Variants in APAF1 observed in about 807,000 individuals in gnomAD.
The protein encoded by APAF1 is apoptotic peptidase activating factor 1.
In APAF1, 91 loss-of-function variants were observed where a neutral mutation model predicts 152.4. The observed-to-expected ratio is 0.60, with a 90% CI of 0.50 to 0.71. The LOEUF is 0.71. Ranked by LOEUF, APAF1 falls within the 30% of genes least tolerant of loss-of-function variation. The probability of loss-of-function intolerance (pLI) is 0.00; values close to 1 mark genes in which losing one functional copy is unlikely to be tolerated. For synonymous variants in APAF1, 484 were observed against 494.1 expected (o/e 0.98, Z 0.27); for missense variants, 1,283 against 1,472.0 (o/e 0.87, Z 2.10).
intron 4 of APAF1, among the ~76,000 whole-genome samples, chr12:98,654,240 G>A (rs1478940568): frequency 6.6e-6 from 1 of 152,052 alleles, no homozygotes; most frequent in East Asian, 1.9e-4. Context: ...AAAGCTGGTA[G>A]TGTTTTCTCT....
At chr12:98,716,203 T>C (rs2097734533) in intron 22 of APAF1, among the ~76,000 whole-genome samples, 3 of 152,250 alleles carry the variant, frequency 2.0e-5, no homozygotes, top group Non-Finnish European at 2.9e-5. Flanking sequence ...GGCATGCTTA[T>C]AGTGCTCTTC....
At chr12:98,662,288 T>C (rs951405862) in intron 5 of APAF1, among the ~76,000 whole-genome samples, 168 bp from the exon 6 acceptor site, 1 of 151,944 alleles carries the variant, frequency 6.6e-6, no homozygotes, top group African/African-American at 2.4e-5. Context: ...ATCAGCATAT[T>C]GAGAAGAGTA....
At chr12:98,677,848 T>G (rs542119424) in intron 13 of APAF1, among the ~76,000 whole-genome samples, 4 of 152,334 alleles carry the variant, frequency 2.6e-5, no homozygotes, top group Middle Eastern at 6.8e-3. Flanking sequence ...GACGTAGGGC[T>G]TCATAGCACA....
intron 13 of APAF1, 62 bp downstream of exon 13, chr12:98,677,613 A>C (rs1295402434): frequency 6.2e-7 from 1 of 1,603,782 alleles, no homozygotes; most frequent in East Asian, 2.2e-5. Flanking sequence ...GCAGATCAGA[A>C]TATGTTTAAA....
chr12:98,695,589 C>T (rs951534035), intron 16 of APAF1, among the ~76,000 whole-genome samples: 3 of 152,212 alleles, frequency 2.0e-5, no homozygotes, highest in Non-Finnish European at 2.9e-5. Flanking sequence ...GAGATGATAT[C>T]TGGGCAGAGA....
At chr12:98,669,439 G>A (rs2097677368) in intron 10 of APAF1, among the ~76,000 whole-genome samples, 1 of 152,162 alleles carries the variant, frequency 6.6e-6, no homozygotes, top group South Asian at 2.1e-4. Context: ...TAATGCTCTT[G>A]TGTATAGTTT....
chr12:98,664,914 A>G (rs114713788), intron 7 of APAF1, among the ~76,000 whole-genome samples: 1,832 of 152,268 alleles, frequency 0.012, 32 homozygotes, highest in African/African-American at 0.042. Flanking sequence ...CCAGTGGCAT[A>G]ATATTGATAT....
At chr12:98,729,468 C>A (rs1184456182) in intron 26 of APAF1, among the ~76,000 whole-genome samples, 1 of 152,186 alleles carries the variant, frequency 6.6e-6, no homozygotes, top group Non-Finnish European at 1.5e-5. Context: ...CCACTGATCT[C>A]TCAGGAGACA....
chr12:98,706,573 C>T lies in APAF1; in HGVS notation c.2684C>T (p.Ser895Leu). 1 of 1,613,982 alleles carries T rather than the reference C, an allele frequency of 6.2e-7. No homozygotes were observed. Among genetic ancestry groups the T allele is most frequent in the Non-Finnish European group, 8.5e-7 (1 of 1,179,908 alleles). ...VHGVMFSPDG[S>L]SFLTSSDDQT... Reference sequence around the variant, plus strand: ...GGTGTGATGTTTTCTCCTGATGGATCATCATTTTTGACATCTTCTGATGAC... The same window carrying T: ...GGTGTGATGTTTTCTCCTGATGGATTATCATTTTTGACATCTTCTGATGAC... Residue 895 changes from serine (S) to leucine (L), a missense_variant, in exon 19 of 27, where the codon TCA (serine) becomes TTA (leucine). By Grantham distance (145) the Ser-to-Leu change is moderately radical. Transcript: ENST00000551964.
intron 4 of APAF1, among the ~76,000 whole-genome samples, chr12:98,652,302 A>G (rs2097649970): frequency 6.6e-6 from 1 of 152,192 alleles, no homozygotes; most frequent in African/African-American, 2.4e-5. Flanking sequence ...ATTCCCCTCC[A>G]GTCTGTACAT....
At chr12:98,676,106 A>G (rs2097686191) in intron 12 of APAF1, among the ~76,000 whole-genome samples, 2 of 152,242 alleles carry the variant, frequency 1.3e-5, no homozygotes, top group African/African-American at 4.8e-5. Context: ...ACTATTTGAC[A>G]TATTTACTTG....
intron 22 of APAF1, among the ~76,000 whole-genome samples, chr12:98,722,919 A>G (rs184556575): frequency 1.1e-4 from 17 of 150,202 alleles, no homozygotes; most frequent in African/African-American, 3.4e-4. Context: ...TTTTTTTTCT[A>G]TCTTCTGGTA....
chr12:98,722,786 A>C (rs1329884251), intron 22 of APAF1, among the ~76,000 whole-genome samples: 1 of 152,190 alleles, frequency 6.6e-6, no homozygotes, highest in Non-Finnish European at 1.5e-5. Flanking sequence ...GGCCAGCTTC[A>C]GTGGGGCCAG....
At chr12:98,722,061 CTT>C (rs1309740708) in intron 22 of APAF1, among the ~76,000 whole-genome samples, 2 of 152,112 alleles carry the variant, frequency 1.3e-5, no homozygotes, top group Non-Finnish European at 2.9e-5. Context: ...CCTTTTTTCT[CTT>C]CTGTTTCTTC....
rs767289096 is a variant in APAF1 at position 98,659,155 on chromosome 12, A to T, written c.527-5A>T. 11 of 1,614,088 alleles carry T rather than the reference A, an allele frequency of 6.8e-6. No homozygotes were observed. In the South Asian group the frequency reaches 1.1e-4, roughly 16 times the overall value. On this transcript the variant is annotated splice_polypyrimidine_tract_variant and splice_region_variant and intron_variant, in intron 4 of 26. Transcript: ENST00000551964. ...CCTTAAGTTCATTATTCTTTCCCTC[A>T]CTAGGTTGTTTCCCAGGGGGAGTGC...
rs1491316422 is a variant in APAF1 at position 98,665,278 on chromosome 12, A to ATATATATATATATATATATATAT, written c.956-274_956-273insATATATATATATATATATATATT. Among the ~76,000 whole-genome samples the ATATATATATATATATATATATAT allele has an allele frequency of 2.6e-3, 169 of 65,952 alleles. 1 individual carries two copies. Among genetic ancestry groups the ATATATATATATATATATATATAT allele is most frequent in the Non-Finnish European group, 4.1e-3 (139 of 34,072 alleles). The allele number at this position is 65,952 out of a possible 152,430, so 43.3% of individuals were successfully genotyped here. On this transcript the variant is annotated intron_variant, in intron 7 of 26. Transcript: ENST00000551964. Reference sequence around the variant, plus strand: ...CGCATATATATATATATATATATATATTTTTTTTTTTTTTTGTAATGACAT... The same window carrying ATATATATATATATATATATATAT: ...CGCATATATATATATATATATATATATATATATATATATATATATATATTTTTTTTTTTTTTTTGTAATGACAT...
At chr12:98,730,536 A>G (rs940884971) in intron 26 of APAF1, among the ~76,000 whole-genome samples, 1 of 152,242 alleles carries the variant, frequency 6.6e-6, no homozygotes, top group Non-Finnish European at 1.5e-5. Flanking sequence ...ATAGGTTTAC[A>G]TAGTATAGAT....
Position 98,683,237 on chromosome 12 carries a change from T to C in APAF1, c.2141T>C (p.Leu714Pro), listed in dbSNP as rs1273605038. 2.5e-6 allele frequency: 4 copies of C among 1,613,886 alleles called. No individual in the cohort carries two copies. Among genetic ancestry groups the C allele is most frequent in the African/African-American group, 1.3e-5 (1 of 74,918 alleles). Residue 714 changes from leucine to proline, a missense_variant, in exon 15 of 27, where the codon CTT becomes CCT. Transcript: ENST00000551964. Reference sequence around the variant, plus strand: ...CATTTCACCAACAGTAGTCATCATCTTCTCTTAGCCACTGGGTCAAGTGAC... The same window carrying C: ...CATTTCACCAACAGTAGTCATCATCCTCTCTTAGCCACTGGGTCAAGTGAC... ...CCHFTNSSHHLLLATGSSDCF... is the reference protein window; with the variant it reads ...CCHFTNSSHHPLLATGSSDCF...
intron 22 of APAF1, 83 bp downstream of exon 22, chr12:98,715,635 T>C: frequency 6.7e-7 from 1 of 1,494,130 alleles, no homozygotes; most frequent in East Asian, 2.3e-5. Context: ...ATCTGGTGTA[T>C]ATTTTAAACA....
Sources: allele counts gnomAD v4.1 joint callset (sites outside exome capture counted in the v4.1 genomes callset), GRCh38; gene constraint gnomAD v4.1.1; transcripts MANE v1.5; gene names NCBI Gene and HGNC (gene_info 2026-07-23, HGNC 2026-07-21).